The following FGF12 variants were observed in gnomAD, a reference collection of about 807,000 sequenced individuals.
The protein encoded by FGF12 is fibroblast growth factor 12, also known as fibroblast growth factor 12B.
A neutral mutation model predicts 23.6 loss-of-function variants in FGF12; 14 were observed. The ratio of observed to expected loss-of-function variants is 0.59; its 90% CI spans 0.39 to 0.93. The LOEUF is 0.93. FGF12 is among the 40% of genes least tolerant of loss of function. The pLI, the probability that FGF12 is intolerant of heterozygous loss-of-function variation, is 0.00. For missense variants in FGF12, 175 were observed against 217.8 expected (o/e 0.80, Z 1.24); for synonymous variants, 62 against 77.3 (o/e 0.80, Z 1.04).
intron 2 of FGF12, among the ~76,000 whole-genome samples, chr3:192,386,690 T>C (rs183469760): frequency 1.6e-4 from 24 of 152,272 alleles, no homozygotes; most frequent in East Asian, 1.5e-3. Flanking sequence ...AATGCATGAA[T>C]AGAAACAGAG....
chr3:192,609,796 T>C (rs1161580676), intron 2 of FGF12, among the ~76,000 whole-genome samples: 1 of 152,108 alleles, frequency 6.6e-6, no homozygotes, highest in African/African-American at 2.4e-5. Flanking sequence ...TTAATATTTT[T>C]CTCAAAATAT....
At chr3:192,158,415 CT>C (rs1560171654) in intron 5 of FGF12, among the ~76,000 whole-genome samples, 11 of 5,148 alleles carry the variant, frequency 2.1e-3, no homozygotes, top group African/African-American at 0.012. Context: ...TTCTTTCTTT[CT>C]CTTTCTTTTT....
chr3:192,304,546 T>A (rs1040967079), intron 4 of FGF12, among the ~76,000 whole-genome samples: 2 of 152,180 alleles, frequency 1.3e-5, no homozygotes, highest in Non-Finnish European at 2.9e-5. Flanking sequence ...TTAAAGGACC[T>A]ACAGTAGTCA....
At chr3:192,535,071 A>G (rs1375401811) in intron 2 of FGF12, among the ~76,000 whole-genome samples, 1 of 152,180 alleles carries the variant, frequency 6.6e-6, no homozygotes, top group Non-Finnish European at 1.5e-5. Flanking sequence ...ATAAAATGAA[A>G]CAAATAAGAA....
intron 2 of FGF12, among the ~76,000 whole-genome samples, chr3:192,440,422 C>T (rs949332881): frequency 3.9e-5 from 6 of 152,072 alleles, no homozygotes; most frequent in African/African-American, 1.4e-4. Context: ...GTGGGGCAAT[C>T]AGTGATTAGT....
rs771703024 is a variant in FGF12 at position 192,141,695 on chromosome 3, TC to T, written c.*2313del. The stretch of plus-strand genomic sequence containing the variant: ...TTAGTGATTCATATCTCTATTTTTT[TC>T]ATAACAAACTTAATTAAATATATTT... On this transcript the variant is annotated 3_prime_UTR_variant, in exon 6 of 6. Coordinates refer to ENST00000445105, the MANE Select transcript of FGF12 (RefSeq NM_004113.6). The T allele has an allele frequency of 6.2e-4, 94 of 152,168 alleles. No homozygotes were observed. The highest frequency in any genetic ancestry group is 1.7e-3 in the African/African-American group (71 of 41,560). The allele number at this position is 152,168 out of a possible 1,614,324, so 9.4% of individuals were successfully genotyped here.
intron 2 of FGF12, among the ~76,000 whole-genome samples, chr3:192,585,435 CTTAG>C (rs1314222255): frequency 6.6e-6 from 1 of 152,144 alleles, no homozygotes; most frequent in East Asian, 1.9e-4. Flanking sequence ...ATATCCAACA[CTTAG>C]TTGTGGTTTG....
intron 2 of FGF12, among the ~76,000 whole-genome samples, chr3:192,708,017 T>C (rs1425523809): frequency 1.3e-5 from 2 of 152,170 alleles, no homozygotes; most frequent in Admixed American, 6.5e-5. Flanking sequence ...TGGAGTGCTG[T>C]GGCGCGATCT....
chr3:192,353,122 T>C (rs1368957967), intron 3 of FGF12, among the ~76,000 whole-genome samples: 1 of 152,184 alleles, frequency 6.6e-6, no homozygotes, highest in East Asian at 1.9e-4. Flanking sequence ...AGAGAATGTT[T>C]ATGTGACTTG....
intron 2 of FGF12, among the ~76,000 whole-genome samples, chr3:192,503,575 G>GT (rs150929471): frequency 7.1e-4 from 95 of 134,642 alleles, no homozygotes; most frequent in African/African-American, 2.4e-3. Flanking sequence ...TTTTGTTTTG[G>GT]TTTTTTTTTT....
chr3:192,406,558 T>C (rs1176235294), intron 2 of FGF12, among the ~76,000 whole-genome samples: 1 of 152,158 alleles, frequency 6.6e-6, no homozygotes, highest in East Asian at 1.9e-4. Context: ...ATTGCATAAA[T>C]CTTCACTTTA....
chr3:192,382,446 C>A (rs908751890), intron 2 of FGF12, among the ~76,000 whole-genome samples: 6 of 152,098 alleles, frequency 3.9e-5, no homozygotes, highest in Admixed American at 3.9e-4. Flanking sequence ...ACAAATGTAG[C>A]CTTTGATTTT....
chr3:192,561,961 A>G (rs1712059154), intron 2 of FGF12, among the ~76,000 whole-genome samples: 1 of 152,092 alleles, frequency 6.6e-6, no homozygotes, highest in East Asian at 1.9e-4. Flanking sequence ...GAATATTTCC[A>G]GAAGCTTTAT....
At position 192,432,634 on chromosome 3, in the gene FGF12, AAAAAAAAAG is replaced by A. The variant is rs1427619653; in HGVS notation, c.14-72105_14-72097del. On this transcript the variant is annotated intron_variant, in intron 2 of 5. Coordinates refer to ENST00000445105, the MANE Select transcript of FGF12 (RefSeq NM_004113.6). ...CTGACATCTGGCAAAAAAAAAAAAA[AAAAAAAAAG>A]AAAGAAAGAAAGAAAGAAAAGAAAA... 3.4e-3 allele frequency among the ~76,000 whole-genome samples: 515 copies of A among 151,310 alleles called. 2 individuals are homozygous for A. Among genetic ancestry groups the A allele is most frequent in the Non-Finnish European group, 6.2e-3 (423 of 67,690 alleles).
At chr3:192,335,293 G>GGTTA in intron 4 of FGF12, 68 bp downstream of exon 4, 1 of 1,012,244 alleles carries the variant, frequency 9.9e-7, no homozygotes, top group Non-Finnish European at 1.5e-6. Context: ...CTAACATGAT[G>GGTTA]GTTACTCCAT....
chr3:192,154,137 G>C (rs1354001415), intron 5 of FGF12, among the ~76,000 whole-genome samples: 1 of 115,686 alleles, frequency 8.6e-6, no homozygotes, highest in Non-Finnish European at 1.9e-5. Context: ...TCTTCATGTA[G>C]TTCTCGAGCC....
chr3:192,204,377 G>A (rs577547873), intron 4 of FGF12, among the ~76,000 whole-genome samples: 1 of 152,256 alleles, frequency 6.6e-6, no homozygotes, highest in East Asian at 1.9e-4. Context: ...TCAAAATGTG[G>A]TTATTATGAC....
intron 3 of FGF12, among the ~76,000 whole-genome samples, chr3:192,342,617 A>C (rs757191503): frequency 3.3e-5 from 5 of 151,960 alleles, no homozygotes; most frequent in Admixed American, 2.6e-4. Context: ...TAAAAATAAA[A>C]ACAAAAATAA....
At position 192,727,465 on chromosome 3, in the gene FGF12, T is replaced by TTTC; in HGVS notation, c.-131+18_-131+19insGAA. On this transcript the variant is annotated intron_variant, in intron 1 of 5. Coordinates refer to ENST00000445105, the MANE Select transcript of FGF12 (RefSeq NM_004113.6). ...TGCATGCACAGTGCCCGCTCAGATT[T>TTTC]TTTTTTTTTTTTTTTTACCTGGGTC... 1 of 547,490 alleles carries TTTC rather than the reference T, an allele frequency of 1.8e-6. No homozygotes were observed. Among genetic ancestry groups the TTTC allele is most frequent in the South Asian group, 3.9e-5 (1 of 25,912 alleles). The allele number at this position is 547,490 out of a possible 1,614,324, so 33.9% of individuals were successfully genotyped here.
Sources: gnomAD v4.1 joint callset for allele counts (sites outside exome capture counted in the v4.1 genomes callset) on GRCh38, gnomAD v4.1.1 for gene constraint, MANE v1.5 for transcripts, NCBI Gene and HGNC (gene_info 2026-07-23, HGNC 2026-07-21) for gene names.